The following PLEKHG4 variants were observed in gnomAD, a reference collection of about 807,000 sequenced individuals.
PLEKHG4 encodes puratrophin-1.
In PLEKHG4, 85 loss-of-function variants were observed where a neutral mutation model predicts 136.9. The observed-to-expected ratio is 0.62, with a 90% CI of 0.52 to 0.74. The LOEUF is 0.74. Ranked by LOEUF, PLEKHG4 falls within the 30% of genes least tolerant of loss-of-function variation. PLEKHG4 has a pLI of 0.00. For synonymous variants in PLEKHG4, 577 were observed against 646.9 expected (o/e 0.89, Z 1.64); for missense variants, 1,317 against 1,527.8 (o/e 0.86, Z 2.30).
intron 18 of PLEKHG4, 36 bp from the exon 19 acceptor site, chr16:67,287,862 C>G (rs2036548324): frequency 7.2e-7 from 1 of 1,384,862 alleles, no homozygotes; most frequent in Admixed American, 1.7e-5. Context: ...AGGCTTATGT[C>G]CAGAAGCATC....
rs748384748 is a variant in PLEKHG4 at position 67,288,576 on chromosome 16, TGGGTAG to T, written c.3546_3551del (p.Arg1183_Gly1184del). 519 of 1,613,734 alleles carry T rather than the reference TGGGTAG, an allele frequency of 3.2e-4. No individual in the cohort carries two copies. Among genetic ancestry groups the T allele is most frequent in the Non-Finnish European group, 4.1e-4 (483 of 1,179,698 alleles). On this transcript the variant is annotated inframe_deletion, in exon 21 of 22. Transcript: ENST00000379344. ...AGCAGCTGTGTGTCAGGGCAGGCCC[TGGGTAG>T]GGGCCTGGAGGACTTACCCTGTGTG...
chr16:67,279,408 C>G (rs943317015), upstream of PLEKHG4: 38 of 151,896 alleles, frequency 2.5e-4, no homozygotes, highest in African/African-American at 8.7e-4. Flanking sequence ...GCCGGCAGGG[C>G]TGTGCCCCGT....
intron 14 of PLEKHG4, 129 bp downstream of exon 14, chr16:67,285,665 C>T: frequency 9.4e-7 from 1 of 1,063,334 alleles, no homozygotes; most frequent in Non-Finnish European, 1.4e-6. Flanking sequence ...GCTCCTGCAC[C>T]TGAGGGTGCT....
rs758808017 is a variant in PLEKHG4, at chr16:67,284,346, TG to T, written c.1585del (p.Ala529HisfsTer10). On this transcript the variant is annotated frameshift_variant, in exon 12 of 22. Coordinates refer to ENST00000379344, the MANE Select transcript of PLEKHG4 (RefSeq NM_001129729.3). LOFTEE classifies it high-confidence loss of function. The surrounding 1 kb of genome is among the most constrained non-coding windows in gnomAD (Gnocchi z 4.4). The part of the protein sequence containing the change: ...GWEAAELDPP[G>X]ARFLALRAQL... ...GGGAGGCGGCTGAACTGGACCCCCC[TG>T]GGGCACGCTTTCTGGCCCTGCGAGC... The T allele has an allele frequency of 2.8e-5, 45 of 1,613,716 alleles. 1 individual carries two copies. Among genetic ancestry groups the T allele is most frequent in the Non-Finnish European group, 3.8e-5 (45 of 1,179,928 alleles).
Position 67,282,199 on chromosome 16 carries a change from A to G in PLEKHG4, c.1105-2A>G, listed in dbSNP as rs2142441585. On this transcript the variant is annotated splice_acceptor_variant, in intron 8 of 21. Coordinates refer to ENST00000379344, the MANE Select transcript of PLEKHG4 (RefSeq NM_001129729.3). LOFTEE classifies it high-confidence loss of function. ...TCCACAGCTTATTGCCCTCAATCAC[A>G]GGAGGTCGGTCAGCTGCTACAGCAG... 3.7e-6 allele frequency: 6 copies of G among 1,613,570 alleles called. No homozygotes were observed. Among genetic ancestry groups the G allele is most frequent in the Non-Finnish European group, 5.1e-6 (6 of 1,180,006 alleles).
upstream of PLEKHG4, chr16:67,278,261 TGAA>T (rs2036060978): frequency 6.8e-6 from 1 of 147,450 alleles, no homozygotes; most frequent in Admixed American, 6.8e-5. Context: ...GACCTGCTCA[TGAA>T]GAAGGCTCCT....
In PLEKHG4 at chr16:67,285,384, C is replaced by G. The variant is rs747705363; in HGVS notation, c.2290C>G (p.Arg764Gly). 2 of 1,614,110 alleles carry G rather than the reference C, an allele frequency of 1.2e-6. No homozygotes were observed. The highest frequency in any genetic ancestry group is 1.7e-6 in the Non-Finnish European group (2 of 1,180,056). The change falls in exon 14 of 22, where the codon CGC becomes GGC. Residue 764 changes from arginine to glycine, a missense_variant. Physicochemically the swap from Arg to Gly is moderately radical, Grantham distance 125. Coordinates refer to ENST00000379344, the MANE Select transcript of PLEKHG4 (RefSeq NM_001129729.3). Reference protein sequence around the residue: ...TMENYFPELDRPDVPQGLRGQ... With the variant: ...TMENYFPELDGPDVPQGLRGQ... ...GGAGAACTATTTCCCCGAGCTGGAT[C>G]GCCCCGATGTGCCCCAGGGCCTCCG...
In PLEKHG4 at chr16:67,286,491, T is replaced by TG. The variant is rs1567440396; in HGVS notation, c.2580dup (p.Leu861AlafsTer58). The stretch of plus-strand genomic sequence containing the variant: ...GACCACCTGGACCTGGCCTCCTACC[T>TG]GCTAAAGCCCATCCAGCGCATGGGC... On this transcript the variant is annotated frameshift_variant, in exon 16 of 22. Transcript: ENST00000379344. LOFTEE classifies it high-confidence loss of function. 1.2e-6 allele frequency: 2 copies of TG among 1,605,002 alleles called. No individual in the cohort carries two copies. The highest frequency in any genetic ancestry group is 1.7e-6 in the Non-Finnish European group (2 of 1,174,988).
chr16:67,284,962 A>G lies in PLEKHG4; in HGVS notation c.1942A>G (p.Lys648Glu), dbSNP rs1301878919. 1 of 1,613,084 alleles carries G rather than the reference A, an allele frequency of 6.2e-7. No individual in the cohort carries two copies. The highest frequency in any genetic ancestry group is 1.1e-5 in the South Asian group (1 of 91,078). Residue 648 changes from lysine to glutamate, a missense_variant, in exon 13 of 22, where the codon AAG becomes GAG. Lys to Glu is a moderately conservative substitution (Grantham distance 56). Transcript: ENST00000379344. This position sits in a 1 kb window ranked among gnomAD's most constrained non-coding sequence, Gnocchi z 4.4. ...GGACCAAAAGCTTGAGGCTTCACTG[A>G]AGCTACCACCGGTGGGCAGCACAGC... ...ALDQKLEASL[K>E]LPPVGSTASL... is the part of the protein sequence containing the mutation.
chr16:67,284,846 T>C lies in PLEKHG4; in HGVS notation c.1826T>C (p.Met609Thr). 1 of 1,613,224 alleles carries C rather than the reference T, an allele frequency of 6.2e-7. No individual in the cohort carries two copies. The highest frequency in any genetic ancestry group is 8.5e-7 in the Non-Finnish European group (1 of 1,179,750). ...TTGCCTCCTGCCCACTTCCGAAAGA[T>C]GTGGGCTCTGGCCACGGGGCTGGGC... is the stretch of plus-strand genomic sequence containing the variant. Reference protein sequence around the residue: ...PDLPPAHFRKMWALATGLGSE... With the variant: ...PDLPPAHFRKTWALATGLGSE... The change falls in exon 13 of 22, where the codon ATG becomes ACG. Residue 609 changes from methionine to threonine, a missense_variant. Met to Thr is a moderately conservative substitution (Grantham distance 81). Coordinates refer to ENST00000379344, the MANE Select transcript of PLEKHG4 (RefSeq NM_001129729.3). This position sits in a 1 kb window ranked among gnomAD's most constrained non-coding sequence, Gnocchi z 4.4.
At chr16:67,286,064 T>C (rs2036452822) in intron 14 of PLEKHG4, among the ~76,000 whole-genome samples, 1 of 152,142 alleles carries the variant, frequency 6.6e-6, no homozygotes, top group South Asian at 2.1e-4. Context: ...GGCTTCTTCC[T>C]TGGGGGCCTG....
rs748583215 is a variant in PLEKHG4, at chr16:67,288,608, A to T, written c.3570+4A>T. ...GGGCCTGGAGGACTTACCCTGTGTG[A>T]GTGCCATTTGCCCTATACCCACCAG... On this transcript the variant is annotated splice_donor_region_variant and intron_variant, in intron 21 of 21. Coordinates refer to ENST00000379344, the MANE Select transcript of PLEKHG4 (RefSeq NM_001129729.3). 1.2e-6 allele frequency: 2 copies of T among 1,614,044 alleles called. No homozygotes were observed. The highest frequency in any genetic ancestry group is 3.3e-5 in the Admixed American group (2 of 60,032).
chr16:67,282,606 C>G lies in PLEKHG4; in HGVS notation c.1357C>G (p.Gln453Glu). The stretch of plus-strand genomic sequence containing the variant: ...GCGAATACAGGCCCTAGAGTTGGTC[C>G]AAACACTGGAGGCCCGGGAAAGCGG... Reference protein sequence around the residue: ...NQRIQALELVQTLEARESGLH... With the variant: ...NQRIQALELVETLEARESGLH... The change falls in exon 10 of 22, where the codon CAA becomes GAA. Residue 453 changes from glutamine to glutamate, a missense_variant. Transcript: ENST00000379344. 6.2e-7 allele frequency: 1 copy of G among 1,614,038 alleles called. No individual in the cohort carries two copies. The highest frequency in any genetic ancestry group is 8.5e-7 in the Non-Finnish European group (1 of 1,180,044).
rs1247016906 is a variant in PLEKHG4 at position 67,287,994 on chromosome 16, A to T, written c.3200A>T (p.Asn1067Ile). Residue 1067 changes from asparagine (N) to isoleucine (I), a missense_variant, in exon 19 of 22, where the codon AAC becomes ATC. Asn to Ile is a moderately radical substitution (Grantham distance 149, BLOSUM62 -3). Transcript: ENST00000379344. ...GAAGCCATCAACGACCGCACCGTCA[A>T]CTATGTCCTGAAGTGCCGAGGTAGC... ...SEEAINDRTV[N>I]YVLKCREVRS... The T allele has an allele frequency of 2.5e-6, 4 of 1,613,264 alleles. No homozygotes were observed. Among genetic ancestry groups the T allele is most frequent in the African/African-American group, 1.3e-5 (1 of 75,024 alleles).
Position 67,288,889 on chromosome 16 carries a change from T to C in PLEKHG4, c.*81T>C. On this transcript the variant is annotated 3_prime_UTR_variant, in exon 22 of 22. Coordinates refer to ENST00000379344, the MANE Select transcript of PLEKHG4 (RefSeq NM_001129729.3). ...CTCTCTGGATCTGCTGTGACCAGGG[T>C]GTGGCTGACACCTGGGCTACCTCCA... 5 of 1,503,292 alleles carry C rather than the reference T, an allele frequency of 3.3e-6. No individual in the cohort carries two copies. Among genetic ancestry groups the C allele is most frequent in the Non-Finnish European group, 4.6e-6 (5 of 1,090,218 alleles). 93.1% of individuals were successfully genotyped at this position (1,503,292 alleles called of 1,614,324 possible).
At chr16:67,283,435 C>T (rs1310915969) in intron 11 of PLEKHG4, among the ~76,000 whole-genome samples, 1 of 151,990 alleles carries the variant, frequency 6.6e-6, no homozygotes, top group African/African-American at 2.4e-5. Flanking sequence ...CCTTCGTTTC[C>T]GAGTAGACAG....
rs758665960 is a variant in PLEKHG4, at chr16:67,285,222, G to T, written c.2195+7G>T. On this transcript the variant is annotated splice_region_variant and intron_variant, in intron 13 of 21. Transcript: ENST00000379344. ...ACCCCAGGAGCCTCAACAGGTATGG[G>T]CAGTAGGCAGGGCGGGGAGGGCAGT... 6.2e-7 allele frequency: 1 copy of T among 1,613,702 alleles called. No individual in the cohort carries two copies. The highest frequency in any genetic ancestry group is 1.1e-5 in the South Asian group (1 of 91,090).
At chr16:67,281,922 G>T in intron 7 of PLEKHG4, 85 bp downstream of exon 7, 1 of 1,550,576 alleles carries the variant, frequency 6.4e-7, no homozygotes, top group Non-Finnish European at 8.9e-7. Flanking sequence ...GCTTGAACCA[G>T]ACAAAGCTGG....
rs762253935 is a variant in PLEKHG4 at position 67,282,088 on chromosome 16, C to T, written c.1085C>T (p.Pro362Leu). The change falls in exon 8 of 22, where the codon CCC (proline) becomes CTC (leucine). Residue 362 changes from proline to leucine, a missense_variant. Pro to Leu is a moderately conservative substitution (Grantham distance 98). Coordinates refer to ENST00000379344, the MANE Select transcript of PLEKHG4 (RefSeq NM_001129729.3). The part of the protein sequence containing the change: ...QGAIESVKAV[P>L]QPMEPGEVGQ... ...GCCATCGAAAGTGTGAAGGCTGTGC[C>T]CCAGCCCATGGAGCCTGGGGTGAGT... 38 of 1,613,514 alleles carry T rather than the reference C, an allele frequency of 2.4e-5. No individual in the cohort carries two copies. The highest frequency in any genetic ancestry group is 8.3e-5 in the Admixed American group (5 of 60,002).
Sources: allele counts gnomAD v4.1 joint callset (sites outside exome capture counted in the v4.1 genomes callset), GRCh38; gene constraint gnomAD v4.1.1; non-coding constraint Gnocchi (gnomAD v3.1); transcripts MANE v1.5; gene names NCBI Gene and HGNC (gene_info 2026-07-23, HGNC 2026-07-21).